Variants in CSE1L observed in about 807,000 individuals in gnomAD.
CSE1L encodes chromosome segregation 1 like, also known as exportin-2.
Under a neutral mutation model 120.4 loss-of-function variants are expected in CSE1L, and 24 were observed. The ratio of observed to expected loss-of-function variants is 0.20; its 90% confidence interval spans 0.14 to 0.28. The LOEUF is 0.28. CSE1L is among the 10% of genes least tolerant of loss of function. The pLI, the probability that CSE1L is intolerant of heterozygous loss-of-function variation, is 1.00. For synonymous variants in CSE1L, 402 were observed against 398.3 expected, an observed-to-expected ratio of 1.01 and a Z score of -0.11; for missense variants, 830 against 1,145.2, an observed-to-expected ratio of 0.72 and a Z score of 3.97.
At chr20:49,078,663 T>C (rs752055467) in intron 14 of CSE1L, 41 bp downstream of exon 14, 2 of 1,365,056 alleles carry the variant, frequency 1.5e-6, no homozygotes, top group South Asian at 1.3e-5. Flanking sequence ...TTAATCTCTT[T>C]AAGAGTTTTA....
intron 10 of CSE1L, 141 bp downstream of exon 10, chr20:49,072,838 T>A: frequency 1.1e-6 from 1 of 890,092 alleles, no homozygotes; most frequent in Non-Finnish European, 1.6e-6. Flanking sequence ...ACAGAAAATG[T>A]AGTATCTGTA....
At chr20:49,064,406 T>C (rs2091875607) in intron 3 of CSE1L, among the ~76,000 whole-genome samples, 1 of 152,218 alleles carries the variant, frequency 6.6e-6, no homozygotes. Flanking sequence ...AGTATCACCA[T>C]GAGTGGTAAA....
intron 1 of CSE1L, among the ~76,000 whole-genome samples, chr20:49,058,174 C>T (rs117291268): frequency 1.3e-5 from 2 of 152,026 alleles, no homozygotes; most frequent in Admixed American, 6.6e-5. Context: ...TTGGTGACTT[C>T]GAGCAGTCCT....
intron 17 of CSE1L, 130 bp downstream of exon 17, chr20:49,088,236 G>T (rs1364796570): frequency 3.0e-6 from 2 of 665,906 alleles, no homozygotes; most frequent in African/African-American, 3.7e-5. Flanking sequence ...GCCACTAATG[G>T]ACTTTTCTGA....
intron 20 of CSE1L, 47 bp from the exon 21 acceptor site, chr20:49,090,890 T>G: frequency 1.3e-6 from 2 of 1,597,618 alleles, no homozygotes; most frequent in Non-Finnish European, 1.7e-6. Flanking sequence ...TGTTAGGTGC[T>G]CAGAAAAGTC....
chr20:49,073,333 G>A (rs553428159), intron 10 of CSE1L, among the ~76,000 whole-genome samples: 117 of 152,196 alleles, frequency 7.7e-4, no homozygotes, highest in African/African-American at 2.6e-3. Context: ...TTAAACAATC[G>A]ACTTGAGAAT....
chr20:49,066,523 A>G lies in CSE1L; in HGVS notation c.476+13A>G. On this transcript the variant is annotated intron_variant, in intron 5 of 24. Coordinates refer to ENST00000262982, the MANE Select transcript of CSE1L (RefSeq NM_001316.4). ...CATTATTTAAAAGGTATTGATGCAT[A>G]GATTCATGTTTTTAAAATACTTTCT... The G allele has an allele frequency of 6.3e-7, 1 of 1,581,788 alleles. No individual in the cohort carries two copies. The highest frequency in any genetic ancestry group is 1.4e-5 in the African/African-American group (1 of 73,340).
At chr20:49,080,261 A>AT (rs1206371694) in intron 14 of CSE1L, among the ~76,000 whole-genome samples, 44 of 129,200 alleles carry the variant, frequency 3.4e-4, no homozygotes, top group Non-Finnish European at 4.7e-4. Flanking sequence ...GTTTTTTTTT[A>AT]TTTTTTTTGT....
rs1231346493 is a variant in CSE1L, at chr20:49,089,587, C to T, written c.2022C>T (p.His674=). The T allele has an allele frequency of 6.2e-7, 1 of 1,614,110 alleles. No homozygotes were observed. ...FQVMSLLLET[H]KNDIPSSYMA... The stretch of plus-strand genomic sequence containing the variant: ...TGATGTCTTTGCTTCTGGAAACACA[C>T]AAAAATGACATCCCGTCTTCCTATA... The change falls in exon 19 of 25, where the codon CAC becomes CAT. Residue 674 remains histidine, a synonymous_variant. Transcript: ENST00000262982.
At chr20:49,082,436 G>T (rs910347674) in intron 14 of CSE1L, among the ~76,000 whole-genome samples, 1 of 151,990 alleles carries the variant, frequency 6.6e-6, no homozygotes, top group Non-Finnish European at 1.5e-5. Flanking sequence ...GATTCACCAC[G>T]CCTGGCCTAG....
intron 6 of CSE1L, 82 bp from the exon 7 acceptor site, chr20:49,068,633 G>T: frequency 1.1e-6 from 1 of 880,712 alleles, no homozygotes; most frequent in Non-Finnish European, 1.9e-6. Context: ...AATAGTCTCA[G>T]CTTAGTGCAA....
At chr20:49,089,912 G>A (rs560279116) in intron 19 of CSE1L, among the ~76,000 whole-genome samples, 166 bp downstream of exon 19, 2 of 152,236 alleles carry the variant, frequency 1.3e-5, no homozygotes, top group South Asian at 4.1e-4. Context: ...GAGCCGAGGA[G>A]TTTAAGACCA....
At chr20:49,083,442 C>T (rs2426124) in intron 14 of CSE1L, among the ~76,000 whole-genome samples, 114,572 of 151,974 alleles carry the variant, frequency 0.75, 43,835 homozygotes, top group African/African-American at 0.88. Context: ...TTAATTTTTT[C>T]TTAATAGAGA....
At position 49,077,080 on chromosome 20, in the gene CSE1L, C is replaced by G. The variant is rs1452225139; in HGVS notation, c.1420+16C>G. ...TCAGCTAATGGTGAGTTGTGAAATT[C>G]TTGCTTTTTTTACAGCTTGCCACAC... On this transcript the variant is annotated intron_variant, in intron 13 of 24. Transcript: ENST00000262982. 2 of 1,563,002 alleles carry G rather than the reference C, an allele frequency of 1.3e-6. No homozygotes were observed. Among genetic ancestry groups the G allele is most frequent in the African/African-American group, 1.4e-5 (1 of 72,606 alleles).
At chr20:49,088,818 T>C (rs759310189) in intron 17 of CSE1L, among the ~76,000 whole-genome samples, 5 of 152,168 alleles carry the variant, frequency 3.3e-5, no homozygotes, top group Non-Finnish European at 7.3e-5. Context: ...GTTAGATTTG[T>C]ATGCTAGTAG....
chr20:49,080,769 C>T (rs750828416), intron 14 of CSE1L, among the ~76,000 whole-genome samples: 4 of 152,142 alleles, frequency 2.6e-5, no homozygotes, highest in Non-Finnish European at 5.9e-5. Context: ...AGCCACCGCG[C>T]CCGGCCTTAT....
chr20:49,071,730 C>T (rs1315211501), intron 8 of CSE1L, among the ~76,000 whole-genome samples: 2 of 152,038 alleles, frequency 1.3e-5, no homozygotes, highest in African/African-American at 4.8e-5. Context: ...CAGTGGCCCA[C>T]GCCTATAATC....
chr20:49,094,913 A>G lies in CSE1L; in HGVS notation c.2776A>G (p.Ile926Val). Residue 926 changes from isoleucine to valine, a missense_variant, in exon 24 of 25, where the codon ATT becomes GTT. Physicochemically the swap from Ile to Val is conservative, Grantham distance 29. Around this residue, in one of 4 missense-constraint regions of CSE1L, gnomAD observed 112 missense variants for 200.0 expected, o/e 0.56. Coordinates refer to ENST00000262982, the MANE Select transcript of CSE1L (RefSeq NM_001316.4). ...PVGQMVNNPK[I>V]HLAQSLHKLS... The stretch of plus-strand genomic sequence containing the variant: ...AGGTCAAATGGTGAATAACCCCAAA[A>G]TTCACCTGGCACAGTCACTTCACAA... 1.9e-6 allele frequency: 3 copies of G among 1,614,130 alleles called. No homozygotes were observed. Among genetic ancestry groups the G allele is most frequent in the African/African-American group, 1.3e-5 (1 of 75,054 alleles).
chr20:49,055,785 G>A (rs2091801839), intron 1 of CSE1L, among the ~76,000 whole-genome samples: 1 of 152,008 alleles, frequency 6.6e-6, no homozygotes, highest in Non-Finnish European at 1.5e-5. Context: ...TGTAAGATTA[G>A]AAAAGTATGA....
Sources: gnomAD v4.1 joint callset for allele counts (sites outside exome capture counted in the v4.1 genomes callset) on GRCh38, gnomAD v4.1.1 for gene constraint, gnomAD v4.1.1 regional missense constraint, MANE v1.5 for transcripts, NCBI Gene and HGNC (gene_info 2026-07-23, HGNC 2026-07-21) for gene names.